ATXN7L1: variants seen among roughly 807,000 people sequenced by gnomAD.
ATXN7L1 encodes the protein ataxin 7 like 1, also known as ataxin-7-like protein 1.
Under a neutral mutation model 70.8 loss-of-function variants are expected in ATXN7L1, and 15 were observed. That is an observed-to-expected ratio of 0.21 (90% CI 0.14 to 0.33). The LOEUF is 0.33. Ranked by LOEUF, ATXN7L1 falls within the 10% of genes least tolerant of loss-of-function variation. ATXN7L1 has a pLI of 1.00. For missense variants in ATXN7L1, 975 were observed against 1,097.1 expected (o/e 0.89, Z 1.57); for synonymous variants, 440 against 445.1 (o/e 0.99, Z 0.14).
intron 3 of ATXN7L1, among the ~76,000 whole-genome samples, chr7:105,741,457 T>C (rs1437601130): frequency 6.6e-6 from 1 of 152,172 alleles, no homozygotes; most frequent in Admixed American, 6.5e-5. Context: ...TTTTGACACA[T>C]TTGAGCTTGA....
At position 105,657,770 on chromosome 7, in the gene ATXN7L1, G is replaced by A. The variant is rs559037281; in HGVS notation, c.578+7296C>T. Among the ~76,000 whole-genome samples, 10 of 149,470 alleles carry A rather than the reference G, an allele frequency of 6.7e-5. No homozygotes were observed. The South Asian group carries it at 1.1e-3, about 16-fold the overall frequency. ...GTGGCTACTGTGGCTGTGGCTGAACGGGATTTTAAATTTCATTTAAGCTGA... is the reference window on the plus strand; with the variant it reads ...GTGGCTACTGTGGCTGTGGCTGAACAGGATTTTAAATTTCATTTAAGCTGA... On this transcript the variant is annotated intron_variant, in intron 4 of 11. Coordinates refer to ENST00000419735, the MANE Select transcript of ATXN7L1 (RefSeq NM_020725.2).
intron 4 of ATXN7L1, among the ~76,000 whole-genome samples, chr7:105,659,344 A>G (rs990022427): frequency 3.9e-5 from 6 of 152,170 alleles, no homozygotes; most frequent in South Asian, 2.1e-4. Flanking sequence ...TTCGACAAAT[A>G]TTTACTGACA....
At chr7:105,848,433 A>G (rs1814384262) in intron 2 of ATXN7L1, among the ~76,000 whole-genome samples, 1 of 152,370 alleles carries the variant, frequency 6.6e-6, no homozygotes, top group South Asian at 2.1e-4. Context: ...ATTTAGCTAC[A>G]AGGATATTCA....
rs372332954 is a variant in ATXN7L1 at position 105,642,995 on chromosome 7, G to A, written c.705C>T (p.Val235=). 77 of 1,551,814 alleles carry A rather than the reference G, an allele frequency of 5.0e-5. No individual in the cohort carries two copies. In the African/African-American group the frequency reaches 9.7e-4, roughly 20 times the overall value. ...VSASSTSSSA[V]STPPLIKPVL... is the part of the protein sequence containing the mutation. Reference sequence around the variant, plus strand: ...CAGGCTTAATTAAAGGAGGGGTGGAGACGGCAGAGGACGAGGTGGAGGAGG... The same window carrying A: ...CAGGCTTAATTAAAGGAGGGGTGGAAACGGCAGAGGACGAGGTGGAGGAGG... The change falls in exon 5 of 12, where the codon GTC becomes GTT. Residue 235 remains valine, a synonymous_variant. Transcript: ENST00000419735.
At chr7:105,846,180 GAATA>G (rs1814011100) in intron 2 of ATXN7L1, among the ~76,000 whole-genome samples, 2 of 151,934 alleles carry the variant, frequency 1.3e-5, no homozygotes, top group Admixed American at 1.3e-4. Flanking sequence ...TACATATCCA[GAATA>G]AATAAAGAAT....
intron 3 of ATXN7L1, among the ~76,000 whole-genome samples, chr7:105,732,673 C>T (rs1796711198): frequency 6.6e-6 from 1 of 152,144 alleles, no homozygotes; most frequent in South Asian, 2.1e-4. Flanking sequence ...GGTGGGATCA[C>T]CATCAGGTCT....
In ATXN7L1 at chr7:105,832,494, G is replaced by A. The variant is rs114674266; in HGVS notation, c.250+43318C>T. Among the ~76,000 whole-genome samples, 1,131 of 152,290 alleles carry A rather than the reference G, an allele frequency of 7.4e-3. 14 individuals are homozygous for A. Among genetic ancestry groups the A allele is most frequent in the African/African-American group, 0.026 (1,061 of 41,544 alleles). ...CAGGTGACGCCCCAGACCTCAGTGA[G>A]TGTAAATCGATTACTTTTCCAAAGT... On this transcript the variant is annotated intron_variant, in intron 2 of 11. Transcript: ENST00000419735.
chr7:105,641,214 C>CTCTCTTTTTTTTT (rs1316374331), intron 5 of ATXN7L1, among the ~76,000 whole-genome samples: 4 of 21,794 alleles, frequency 1.8e-4, no homozygotes, highest in Non-Finnish European at 3.4e-4. Flanking sequence ...CTCTCTCTCT[C>CTCTCTTTTTTTTT]TTTTTTTTTT....
intron 2 of ATXN7L1, among the ~76,000 whole-genome samples, chr7:105,827,026 A>G (rs1810966161): frequency 6.6e-6 from 1 of 152,200 alleles, no homozygotes; most frequent in Admixed American, 6.5e-5. Context: ...GAAGCACAAC[A>G]TCTCAGAGTA....
intron 3 of ATXN7L1, among the ~76,000 whole-genome samples, chr7:105,702,840 C>T (rs1039953961): frequency 2.6e-5 from 4 of 151,922 alleles, no homozygotes; most frequent in South Asian, 2.1e-4. Context: ...AAATTGCCGC[C>T]GGGCGCAGTG....
At chr7:105,721,247 G>A (rs1056149739) in intron 3 of ATXN7L1, among the ~76,000 whole-genome samples, 3 of 152,166 alleles carry the variant, frequency 2.0e-5, no homozygotes, top group African/African-American at 7.2e-5. Context: ...GGGCACAGAA[G>A]TCACCCAAAT....
Position 105,607,759 on chromosome 7 carries a change from C to T in ATXN7L1, c.*93G>A, listed in dbSNP as rs1792820564. The stretch of plus-strand genomic sequence containing the variant: ...GGAGTGCACAGAAAACAGACTCTCC[C>T]CCCAGCCCACTCCCCTCCCTCCTCC... On this transcript the variant is annotated 3_prime_UTR_variant, in exon 12 of 12. Coordinates refer to ENST00000419735, the MANE Select transcript of ATXN7L1 (RefSeq NM_020725.2). 1 of 1,193,486 alleles carries T rather than the reference C, an allele frequency of 8.4e-7. No homozygotes were observed. Among genetic ancestry groups the T allele is most frequent in the Admixed American group, 2.0e-5 (1 of 48,980 alleles). 73.9% of individuals were successfully genotyped at this position (1,193,486 alleles called of 1,614,324 possible).
intron 3 of ATXN7L1, among the ~76,000 whole-genome samples, chr7:105,733,811 C>A (rs1284070646): frequency 7.5e-6 from 1 of 132,916 alleles, no homozygotes. Flanking sequence ...TCCACCCAAC[C>A]ACCCATCCAT....
intron 3 of ATXN7L1, among the ~76,000 whole-genome samples, chr7:105,698,164 C>T (rs189769306): frequency 7.2e-4 from 109 of 152,238 alleles, no homozygotes; most frequent in African/African-American, 1.7e-3. Context: ...ACTTCCCAGT[C>T]GTGTCCGCAC....
intron 2 of ATXN7L1, among the ~76,000 whole-genome samples, chr7:105,830,048 G>A (rs1453554342): frequency 2.0e-5 from 3 of 152,190 alleles, no homozygotes; most frequent in Non-Finnish European, 4.4e-5. Flanking sequence ...AATAGTGGTA[G>A]ATGTTACCCC....
At position 105,855,703 on chromosome 7, in the gene ATXN7L1, T is replaced by C. The variant is rs545128412; in HGVS notation, c.250+20109A>G. ...TTCCACATCTGCAGTTTCAACTTAA[T>C]TGCAGATCAAAAATATGTGGAAGAA... On this transcript the variant is annotated intron_variant, in intron 2 of 11. Coordinates refer to ENST00000419735, the MANE Select transcript of ATXN7L1 (RefSeq NM_020725.2). Among the ~76,000 whole-genome samples, 7 of 152,344 alleles carry C rather than the reference T, an allele frequency of 4.6e-5. No homozygotes were observed. The South Asian group carries it at 1.2e-3, about 27-fold the overall frequency.
intron 2 of ATXN7L1, among the ~76,000 whole-genome samples, chr7:105,818,461 G>A (rs1314342760): frequency 6.6e-6 from 1 of 151,422 alleles, no homozygotes; most frequent in East Asian, 2.0e-4. Flanking sequence ...CCAGCTCCTT[G>A]TCTTTTGAAA....
chr7:105,622,684 T>C (rs2115801039), intron 8 of ATXN7L1, among the ~76,000 whole-genome samples: 1 of 152,368 alleles, frequency 6.6e-6, no homozygotes, highest in South Asian at 2.1e-4. Flanking sequence ...CTTCCTTCTC[T>C]GCTGCGAATT....
intron 3 of ATXN7L1, 156 bp downstream of exon 3, chr7:105,788,448 A>G (rs1585006925): frequency 1.6e-6 from 1 of 625,782 alleles, no homozygotes; most frequent in Non-Finnish European, 2.8e-6. Flanking sequence ...AGCTCCTAAA[A>G]CAGCCTGCGA....
Sources: gnomAD v4.1 joint callset for allele counts (sites outside exome capture counted in the v4.1 genomes callset) on GRCh38, gnomAD v4.1.1 for gene constraint, MANE v1.5 for transcripts, NCBI Gene and HGNC (gene_info 2026-07-23, HGNC 2026-07-21) for gene names.